Variants in FBXO48 observed in about 807,000 individuals in gnomAD.
The protein encoded by FBXO48 is F-box only protein 48.
FBXO48 carries 12 observed loss-of-function variants against 14.3 expected under a neutral mutation model. That is an observed-to-expected ratio of 0.84 (90% CI 0.54 to 1.36). FBXO48 has a LOEUF of 1.36. Among genes scored for constraint, FBXO48 ranks in the 40% most tolerant of loss-of-function variants. The pLI, the probability that FBXO48 is intolerant of heterozygous loss-of-function variation, is 0.00. For synonymous variants in FBXO48, 53 were observed against 61.7 expected (o/e 0.86, Z 0.66); for missense variants, 177 against 179.1 (o/e 0.99, Z 0.07).
intron 2 of FBXO48, 76 bp downstream of exon 2, chr2:68,466,068 A>G (rs1336594034): frequency 6.6e-6 from 1 of 152,234 alleles, no homozygotes; most frequent in Non-Finnish European, 1.5e-5. Context: ...AACTGTAAAC[A>G]ATGTTTAGAA....
At chr2:68,466,517 G>A (rs1217587722) in intron 1 of FBXO48, 47 bp from the exon 2 acceptor site, 1 of 152,142 alleles carries the variant, frequency 6.6e-6, no homozygotes, top group Non-Finnish European at 1.5e-5. Flanking sequence ...AAAAACGGGT[G>A]AGTCAAGAGC....
Position 68,459,587 on chromosome 2 carries a change from G to C in FBXO48, c.*4622C>G, listed in dbSNP as rs927464133. 1.3e-5 allele frequency: 2 copies of C among 152,036 alleles called. No homozygotes were observed. The highest frequency in any genetic ancestry group is 2.1e-4 in the South Asian group (1 of 4,818). The allele number at this position is 152,036 out of a possible 1,614,324, so 9.4% of individuals were successfully genotyped here. ...CCTTAAGGATTGTATACTGCATTTT[G>C]ATACAATCTTCTTCACTAACAATAT... On this transcript the variant is annotated 3_prime_UTR_variant, in exon 4 of 4. Transcript: ENST00000377957.
rs1410395388 is a variant in FBXO48, at chr2:68,466,483, T to C, written c.-360-13A>G. On this transcript the variant is annotated splice_polypyrimidine_tract_variant and intron_variant, in intron 1 of 3. Transcript: ENST00000377957. ...CAACAGAGGTCTTCTTCTTGAGGGT[T>C]AGGAGAAGTAAGAAAGCAAACGTAA... is the stretch of plus-strand genomic sequence containing the variant. 6.6e-6 allele frequency: 1 copy of C among 152,146 alleles called. No individual in the cohort carries two copies. The highest frequency in any genetic ancestry group is 2.4e-5 in the African/African-American group (1 of 41,412). The allele number at this position is 152,146 out of a possible 1,614,324, so 9.4% of individuals were successfully genotyped here.
chr2:68,464,772 T>C (rs1419076432), intron 3 of FBXO48, 68 bp downstream of exon 3: 2 of 1,176,556 alleles, frequency 1.7e-6, no homozygotes, highest in South Asian at 2.7e-5. Context: ...AAGCAGAAGT[T>C]AGAATTGGCG....
rs907825690 is a variant in FBXO48, at chr2:68,462,930, T to C, written c.*1279A>G. 6.6e-6 allele frequency: 1 copy of C among 152,230 alleles called. No homozygotes were observed. The allele number at this position is 152,230 out of a possible 1,614,324, so 9.4% of individuals were successfully genotyped here. A position where few individuals can be genotyped will look rare whatever the true frequency, so the allele number is the denominator to read the frequency against. ...TGTGACATAACAGAGATGCTATTAG[T>C]AGAAGTACAGGATTTCAGCTTGGGC... On this transcript the variant is annotated 3_prime_UTR_variant, in exon 4 of 4. Transcript: ENST00000377957.
rs1023419861 is a variant in FBXO48 at position 68,462,610 on chromosome 2, G to A, written c.*1599C>T. ...TGACCTGAGGTGATCCACCCACCTT[G>A]GTCTCCCAAAGTGCTGGGATTACAG... is the stretch of plus-strand genomic sequence containing the variant. On this transcript the variant is annotated 3_prime_UTR_variant, in exon 4 of 4. Coordinates refer to ENST00000377957, the MANE Select transcript of FBXO48 (RefSeq NM_001024680.3). 6.6e-6 allele frequency: 1 copy of A among 152,306 alleles called. No homozygotes were observed. The highest frequency in any genetic ancestry group is 1.5e-5 in the Non-Finnish European group (1 of 68,142). 9.4% of individuals were successfully genotyped at this position (152,306 alleles called of 1,614,324 possible). A position where few individuals can be genotyped will look rare whatever the true frequency, so the allele number is the denominator to read the frequency against.
chr2:68,465,061 C>CA lies in FBXO48; in HGVS notation c.84dup (p.Glu29Ter), dbSNP rs749498551. 7 of 1,613,778 alleles carry CA rather than the reference C, an allele frequency of 4.3e-6. No homozygotes were observed. Among genetic ancestry groups the CA allele is most frequent in the Non-Finnish European group, 5.9e-6 (7 of 1,179,974 alleles). Reference sequence around the variant, plus strand: ...AGTTCAAAAAAGTTGTTTTGACTCTCATTTTTTTCCTTCTCAGCATCCACA... The same window carrying CA: ...AGTTCAAAAAAGTTGTTTTGACTCTCAATTTTTTTCCTTCTCAGCATCCACA... On this transcript the variant is annotated frameshift_variant, in exon 3 of 4. Coordinates refer to ENST00000377957, the MANE Select transcript of FBXO48 (RefSeq NM_001024680.3). LOFTEE classifies it high-confidence loss of function.
chr2:68,464,065 GCTTTA>G lies in FBXO48; in HGVS notation c.*139_*143del, dbSNP rs1675332319. The G allele has an allele frequency of 1.6e-5, 12 of 750,108 alleles. No homozygotes were observed. In the South Asian group the frequency reaches 1.9e-4, roughly 12 times the overall value. 46.5% of individuals were successfully genotyped at this position (750,108 alleles called of 1,614,324 possible). A position where few individuals can be genotyped will look rare whatever the true frequency, so the allele number is the denominator to read the frequency against. ...TACTAAAGTGCAAAACAAAAATAAA[GCTTTA>G]CTTTTATAATAGTTCCATTTCATTT... is the stretch of plus-strand genomic sequence containing the variant. On this transcript the variant is annotated 3_prime_UTR_variant, in exon 4 of 4. Transcript: ENST00000377957.
intron 1 of FBXO48, among the ~76,000 whole-genome samples, chr2:68,466,924 T>C (rs970805977): frequency 6.6e-5 from 10 of 152,252 alleles, no homozygotes; most frequent in Middle Eastern, 3.4e-3. Flanking sequence ...TTCGGAGGGA[T>C]AGATCGGCGG....
At position 68,464,963 on chromosome 2, in the gene FBXO48, T is replaced by C. The variant is rs148436824; in HGVS notation, c.183A>G (p.Thr61=). The C allele has an allele frequency of 7.2e-5, 117 of 1,613,890 alleles. No homozygotes were observed. The African/African-American group carries it at 1.3e-3, about 19-fold the overall frequency. Residue 61 remains threonine (T), a synonymous_variant, in exon 3 of 4, where the codon ACA becomes ACG. Transcript: ENST00000377957. ...TTATTGTGTCATTCCAGCTCCTGCA[T>C]GTCAATGAAGCCCTGCACAGACTCC... ...DIRSLCRASL[T]CRSWNDTIRN...
At position 68,465,171 on chromosome 2, in the gene FBXO48, T is replaced by C. The variant is rs1185155293; in HGVS notation, c.-26A>G. On this transcript the variant is annotated 5_prime_UTR_variant, in exon 3 of 4. It adds an upstream start codon to the 5' untranslated region. Coordinates refer to ENST00000377957, the MANE Select transcript of FBXO48 (RefSeq NM_001024680.3). ...AGCTTAATGTTTTAAGTTATCCTCATATGTAACCTAAAAGGCAAAATTTAA... is the reference window on the plus strand; with the variant it reads ...AGCTTAATGTTTTAAGTTATCCTCACATGTAACCTAAAAGGCAAAATTTAA... 5 of 1,532,184 alleles carry C rather than the reference T, an allele frequency of 3.3e-6. No individual in the cohort carries two copies. The East Asian group carries it at 1.1e-4, about 35-fold the overall frequency. The allele number at this position is 1,532,184 out of a possible 1,614,324, so 94.9% of individuals were successfully genotyped here.
chr2:68,465,097 C>T lies in FBXO48; in HGVS notation c.49G>A (p.Glu17Lys). The T allele has an allele frequency of 6.2e-7, 1 of 1,613,044 alleles. No homozygotes were observed. Among genetic ancestry groups the T allele is most frequent in the Non-Finnish European group, 8.5e-7 (1 of 1,179,524 alleles). The change falls in exon 3 of 4, where the codon GAA (glutamate) becomes AAA (lysine). Residue 17 changes from glutamate (E) to lysine (K), a missense_variant. Transcript: ENST00000377957. The stretch of plus-strand genomic sequence containing the variant: ...TTCTCAGCATCCACAGAGTTCGCTT[C>T]TGTGTGAGAAACTCTTAAATTATTG... ...RNNNLRVSHT[E>K]ANSVDAEKEK...
chr2:68,465,212 A>G, intron 2 of FBXO48, 34 bp from the exon 3 acceptor site: 2 of 1,065,246 alleles, frequency 1.9e-6, no homozygotes, highest in East Asian at 2.5e-5. Flanking sequence ...CTCAGTCTCC[A>G]AATAGGAGTA....
chr2:68,465,018 G>A lies in FBXO48; in HGVS notation c.128C>T (p.Thr43Ile). The A allele has an allele frequency of 6.2e-7, 1 of 1,613,938 alleles. No homozygotes were observed. ...GTCCAGCTGACTGAAAATTTTAAAA[G>A]TGATTTCTGCAGGCAGCAGTTCAAA... Reference protein sequence around the residue: ...NFFELLPAEITFKIFSQLDIR... With the variant: ...NFFELLPAEIIFKIFSQLDIR... Residue 43 changes from threonine (T) to isoleucine (I), a missense_variant, in exon 3 of 4, where the codon ACT becomes ATT. By Grantham distance (89) the Thr-to-Ile change is moderately conservative. Coordinates refer to ENST00000377957, the MANE Select transcript of FBXO48 (RefSeq NM_001024680.3).
chr2:68,466,356 T>C lies in FBXO48; in HGVS notation c.-246A>G, dbSNP rs1036425545. The C allele has an allele frequency of 2.0e-5, 3 of 152,222 alleles. No individual in the cohort carries two copies. The highest frequency in any genetic ancestry group is 7.2e-5 in the African/African-American group (3 of 41,446). 9.4% of individuals were successfully genotyped at this position (152,222 alleles called of 1,614,324 possible). ...AACTCAGCTGAACACAAATCTCTTT[T>C]CTAGACGAGCTACTCAGCTATGTTT... On this transcript the variant is annotated 5_prime_UTR_variant, in exon 2 of 4. Coordinates refer to ENST00000377957, the MANE Select transcript of FBXO48 (RefSeq NM_001024680.3).
intron 2 of FBXO48, among the ~76,000 whole-genome samples, chr2:68,465,906 GAAGAT>G (rs1675397108): frequency 6.6e-6 from 1 of 152,204 alleles, no homozygotes; most frequent in Admixed American, 6.5e-5. Flanking sequence ...AAATGGACAA[GAAGAT>G]GAGATCTGGA....
rs1275127541 is a variant in FBXO48 at position 68,460,516 on chromosome 2, C to G, written c.*3693G>C. The G allele has an allele frequency of 1.3e-5, 2 of 148,642 alleles. No individual in the cohort carries two copies. Among genetic ancestry groups the G allele is most frequent in the Non-Finnish European group, 3.0e-5 (2 of 67,666 alleles). 9.2% of individuals were successfully genotyped at this position (148,642 alleles called of 1,614,324 possible). ...ATTCAGGTGCTTATATATAAACTAT[C>G]TTTGGATATATCAAATATTTTATAT... On this transcript the variant is annotated 3_prime_UTR_variant, in exon 4 of 4. Transcript: ENST00000377957.
At position 68,459,816 on chromosome 2, in the gene FBXO48, T is replaced by A. The variant is rs1305895688; in HGVS notation, c.*4393A>T. The A allele has an allele frequency of 6.6e-6, 1 of 152,100 alleles. No homozygotes were observed. Among genetic ancestry groups the A allele is most frequent in the Non-Finnish European group, 1.5e-5 (1 of 68,034 alleles). The allele number at this position is 152,100 out of a possible 1,614,324, so 9.4% of individuals were successfully genotyped here. On this transcript the variant is annotated 3_prime_UTR_variant, in exon 4 of 4. Transcript: ENST00000377957. ...GACAATTTAATGTCATATGACAGTT[T>A]TGAGAGAGGTCTATACAAAGAACTA...
At position 68,460,709 on chromosome 2, in the gene FBXO48, T is replaced by TA. The variant is rs1220672069; in HGVS notation, c.*3499dup. The TA allele has an allele frequency of 2.6e-5, 4 of 152,014 alleles. No individual in the cohort carries two copies. The highest frequency in any genetic ancestry group is 9.7e-5 in the African/African-American group (4 of 41,364). The allele number at this position is 152,014 out of a possible 1,614,324, so 9.4% of individuals were successfully genotyped here. ...TTGTAGATGGGATCACCAAGGATGT[T>TA]AGAGTATAGAGACGAGATGACAACA... is the stretch of plus-strand genomic sequence containing the variant. On this transcript the variant is annotated 3_prime_UTR_variant, in exon 4 of 4. Transcript: ENST00000377957.
Sources: gnomAD v4.1 joint callset for allele counts (sites outside exome capture counted in the v4.1 genomes callset) on GRCh38, gnomAD v4.1.1 for gene constraint, MANE v1.5 for transcripts, NCBI Gene and HGNC (gene_info 2026-07-23, HGNC 2026-07-21) for gene names.